The following MAF variants were observed in gnomAD, a reference collection of about 807,000 sequenced individuals.
MAF encodes the protein transcription factor Maf.
In MAF, 10 loss-of-function variants were observed where a neutral mutation model predicts 22.0. The ratio of observed to expected loss-of-function variants is 0.45; its 90% confidence interval spans 0.28 to 0.77. MAF has a LOEUF of 0.77. Among genes scored for constraint, MAF ranks in the 30% least tolerant of loss-of-function variants. The pLI is 0.12. For synonymous variants in MAF, 337 were observed against 255.8 expected, an observed-to-expected ratio of 1.32 and a Z score of -3.03; for missense variants, 544 against 548.4, an observed-to-expected ratio of 0.99 and a Z score of 0.08.
chr16:79,499,843 T>A, the MAF span, among the ~76,000 whole-genome samples: 5,785 of 152,288 alleles, frequency 0.038, 354 homozygotes, highest in African/African-American at 0.13. Flanking sequence ...CATGTCCTAA[T>A]CCCTACAATC....
chr16:79,386,584 A>G, the MAF span, among the ~76,000 whole-genome samples: 1 of 152,166 alleles, frequency 6.6e-6, no homozygotes, highest in Admixed American at 6.5e-5. Context: ...ATACCAGCCC[A>G]TGGCCCGGTG....
chr16:79,484,427 G>A, the MAF span, among the ~76,000 whole-genome samples: 2 of 152,222 alleles, frequency 1.3e-5, no homozygotes, highest in Admixed American at 6.5e-5. Context: ...TGACCTCAGA[G>A]GTGACTCAGC....
chr16:79,596,416 T>G, intron 1 of MAF: 1 of 1,057,306 alleles, frequency 9.5e-7, no homozygotes, highest in Non-Finnish European at 1.1e-6. Context: ...AAGGATGCAT[T>G]TTACACTTTT....
the MAF span, among the ~76,000 whole-genome samples, chr16:79,224,382 G>C: frequency 6.6e-6 from 1 of 152,114 alleles, no homozygotes; most frequent in Non-Finnish European, 1.5e-5. Context: ...AGCTATTTTT[G>C]ACACACCCAT....
downstream of MAF, among the ~76,000 whole-genome samples, chr16:79,582,480 T>G (rs1912580237): frequency 6.6e-6 from 1 of 152,210 alleles, no homozygotes; most frequent in Non-Finnish European, 1.5e-5. Context: ...CTGAAAATAA[T>G]ACAAGTTTAT....
the MAF span, among the ~76,000 whole-genome samples, chr16:79,479,735 A>G: frequency 6.6e-6 from 1 of 152,212 alleles, no homozygotes; most frequent in Non-Finnish European, 1.5e-5. Flanking sequence ...AAGGAACCAG[A>G]CTACTACGTG....
the MAF span, among the ~76,000 whole-genome samples, chr16:79,362,853 A>T: frequency 6.6e-6 from 1 of 152,266 alleles, no homozygotes; most frequent in Non-Finnish European, 1.5e-5. Flanking sequence ...GAGAATAGTA[A>T]GAAAGTGTGC....
the MAF span, among the ~76,000 whole-genome samples, chr16:79,386,925 C>T: frequency 6.6e-6 from 1 of 152,136 alleles, no homozygotes; most frequent in African/African-American, 2.4e-5. Flanking sequence ...TGAAGTCTTA[C>T]ATTAACTGCT....
chr16:79,496,158 GTA>G, the MAF span, among the ~76,000 whole-genome samples: 1 of 152,158 alleles, frequency 6.6e-6, no homozygotes, highest in Non-Finnish European at 1.5e-5. Context: ...AAGTGTAGGA[GTA>G]TTTGTTATGC....
chr16:79,391,414 G>A, the MAF span, among the ~76,000 whole-genome samples: 1 of 152,184 alleles, frequency 6.6e-6, no homozygotes, highest in Non-Finnish European at 1.5e-5. Flanking sequence ...AGATAGGAGG[G>A]AAGCAATTGA....
the MAF span, among the ~76,000 whole-genome samples, chr16:79,545,670 T>G: frequency 2.6e-5 from 4 of 152,166 alleles, no homozygotes; most frequent in Non-Finnish European, 5.9e-5. Context: ...AAATTCAAAG[T>G]ATTTCTATGT....
the MAF span, among the ~76,000 whole-genome samples, chr16:79,399,642 G>T: frequency 5.9e-5 from 9 of 152,094 alleles, no homozygotes; most frequent in African/African-American, 2.2e-4. Flanking sequence ...ATAGAAGAGG[G>T]TAGAAAGAAC....
chr16:79,570,511 C>T, the MAF span, among the ~76,000 whole-genome samples: 1 of 152,218 alleles, frequency 6.6e-6, no homozygotes, highest in Non-Finnish European at 1.5e-5. Context: ...TCTAACTTCT[C>T]TGCTTAGTTT....
chr16:79,334,477 T>G, the MAF span, among the ~76,000 whole-genome samples: 285 of 152,270 alleles, frequency 1.9e-3, no homozygotes, highest in Admixed American at 3.7e-3. Context: ...GAGCTGGAAA[T>G]GTTCTATATC....
the MAF span, among the ~76,000 whole-genome samples, chr16:79,215,749 A>C: frequency 6.6e-6 from 1 of 152,238 alleles, no homozygotes; most frequent in Admixed American, 6.5e-5. Context: ...TACATCCTGG[A>C]AATTCAAGGT....
the MAF span, among the ~76,000 whole-genome samples, chr16:79,274,827 C>T: frequency 6.6e-6 from 1 of 152,130 alleles, no homozygotes; most frequent in Non-Finnish European, 1.5e-5. Flanking sequence ...TTTGATTGAA[C>T]ATATTCTAGA....
intron 1 of MAF, chr16:79,598,050 A>C: frequency 1.2e-6 from 1 of 822,882 alleles, no homozygotes. Context: ...TAACAATGCT[A>C]AAAAAAAAAC....
chr16:79,504,000 G>A, the MAF span, among the ~76,000 whole-genome samples: 1 of 151,836 alleles, frequency 6.6e-6, no homozygotes, highest in Non-Finnish European at 1.5e-5. Flanking sequence ...CAGGGGCTCA[G>A]TAAATATCCC....
chr16:79,339,355 G>A, the MAF span, among the ~76,000 whole-genome samples: 197 of 152,272 alleles, frequency 1.3e-3, 1 homozygote, highest in Middle Eastern at 6.8e-3. Flanking sequence ...CACCGCACCC[G>A]GCCTGGGTCA....
Sources: gnomAD v4.1 joint callset for allele counts (sites outside exome capture counted in the v4.1 genomes callset) on GRCh38, gnomAD v4.1.1 for gene constraint, MANE v1.5 for transcripts, NCBI Gene and HGNC (gene_info 2026-07-23, HGNC 2026-07-21) for gene names.